The following IQCJ variants were observed in gnomAD, a reference collection of about 807,000 sequenced individuals.
The protein encoded by IQCJ is IQ motif containing J.
Under a neutral mutation model 11.0 loss-of-function variants are expected in IQCJ, and 9 were observed. The ratio of observed to expected loss-of-function variants is 0.82; its 90% CI spans 0.49 to 1.43. The LOEUF is 1.43. IQCJ is among the 40% of genes most tolerant of loss of function. The probability of loss-of-function intolerance (pLI) is 0.00; values close to 1 mark genes in which losing one functional copy is unlikely to be tolerated. For missense variants in IQCJ, 146 were observed against 133.2 expected (o/e 1.10, Z -0.47); for synonymous variants, 55 against 51.3 (o/e 1.07, Z -0.31).
chr3:159,243,328 T>C (rs1036036996), intron 1 of IQCJ, among the ~76,000 whole-genome samples: 2 of 152,200 alleles, frequency 1.3e-5, no homozygotes, highest in African/African-American at 4.8e-5. Context: ...GCAATGATCA[T>C]AGCAGCTTTA....
At chr3:159,087,179 G>T (rs566309486) in intron 1 of IQCJ, among the ~76,000 whole-genome samples, 1 of 152,122 alleles carries the variant, frequency 6.6e-6, no homozygotes, top group Non-Finnish European at 1.5e-5. Flanking sequence ...AGATAATCGT[G>T]TGGTTTTTGT....
In IQCJ at chr3:159,244,138, G is replaced by A. The variant is rs867964421; in HGVS notation, c.10-1705G>A. On this transcript the variant is annotated intron_variant, in intron 1 of 3. Transcript: ENST00000397832. ...TGAGCTTGACATGCTTGTCAGACATGTACATGGAACTGTCGAGTAGGCAGG... is the reference window on the plus strand; with the variant it reads ...TGAGCTTGACATGCTTGTCAGACATATACATGGAACTGTCGAGTAGGCAGG... Among the ~76,000 whole-genome samples the A allele has an allele frequency of 1.1e-4, 17 of 152,288 alleles. No individual in the cohort carries two copies. The Middle Eastern group carries it at 0.01, about 91-fold the overall frequency.
At chr3:159,183,807 A>G (rs1293601027) in intron 1 of IQCJ, among the ~76,000 whole-genome samples, 4 of 152,094 alleles carry the variant, frequency 2.6e-5, no homozygotes, top group Non-Finnish European at 4.4e-5. Flanking sequence ...GTCTCACAGT[A>G]ATCTTCGATT....
At chr3:159,213,742 G>C (rs1044068670) in intron 1 of IQCJ, among the ~76,000 whole-genome samples, 4 of 152,126 alleles carry the variant, frequency 2.6e-5, no homozygotes, top group Admixed American at 1.3e-4. Context: ...TAACTTAAAA[G>C]TCTCCAAAAT....
intron 1 of IQCJ, among the ~76,000 whole-genome samples, chr3:159,164,999 T>C (rs1256320642): frequency 2.0e-5 from 3 of 152,218 alleles, no homozygotes; most frequent in Non-Finnish European, 4.4e-5. Flanking sequence ...CTTTGTGCTA[T>C]ACAGTACTTG....
chr3:159,082,711 A>C (rs561695925), intron 1 of IQCJ, among the ~76,000 whole-genome samples: 2 of 152,222 alleles, frequency 1.3e-5, no homozygotes, highest in East Asian at 3.9e-4. Flanking sequence ...GAGGTCTGTC[A>C]TCATGAGTCA....
chr3:159,106,548 G>T (rs1262545382), intron 1 of IQCJ, among the ~76,000 whole-genome samples: 4 of 151,928 alleles, frequency 2.6e-5, no homozygotes, highest in African/African-American at 7.3e-5. Context: ...GAGAGAGAGA[G>T]ATATTTACTA....
At chr3:159,094,791 A>G (rs1255061971) in intron 1 of IQCJ, among the ~76,000 whole-genome samples, 1 of 151,960 alleles carries the variant, frequency 6.6e-6, no homozygotes, top group Non-Finnish European at 1.5e-5. Flanking sequence ...GATGGGTCAA[A>G]TAATGAATGG....
chr3:159,123,002 C>T (rs188327560), intron 1 of IQCJ, among the ~76,000 whole-genome samples: 4 of 152,160 alleles, frequency 2.6e-5, no homozygotes, highest in Admixed American at 1.3e-4. Context: ...GCATTTATCT[C>T]GGTCAGTCTT....
intron 3 of IQCJ, among the ~76,000 whole-genome samples, chr3:159,255,867 A>G (rs1458921829): frequency 6.6e-6 from 1 of 152,232 alleles, no homozygotes; most frequent in Non-Finnish European, 1.5e-5. Flanking sequence ...TTGTGAAAGT[A>G]AAAGTAATAG....
At chr3:159,235,929 A>G (rs1050902344) in intron 1 of IQCJ, among the ~76,000 whole-genome samples, 3 of 152,188 alleles carry the variant, frequency 2.0e-5, no homozygotes, top group African/African-American at 7.2e-5. Flanking sequence ...TAATAAGTCC[A>G]CTGTCGACAA....
At chr3:159,224,124 A>T (rs1474158155) in intron 1 of IQCJ, among the ~76,000 whole-genome samples, 1 of 151,910 alleles carries the variant, frequency 6.6e-6, no homozygotes, top group Non-Finnish European at 1.5e-5. Context: ...TGTGACACGA[A>T]GTATATAAGC....
intron 1 of IQCJ, among the ~76,000 whole-genome samples, chr3:159,080,260 A>G (rs1020458433): frequency 9.2e-5 from 14 of 152,102 alleles, no homozygotes; most frequent in African/African-American, 3.4e-4. Flanking sequence ...TTGGAGGAAA[A>G]GTTACTATGA....
chr3:159,206,983 T>G (rs189311330), intron 1 of IQCJ, among the ~76,000 whole-genome samples: 2 of 152,364 alleles, frequency 1.3e-5, no homozygotes, highest in Non-Finnish European at 2.9e-5. Flanking sequence ...TCTTGAGATA[T>G]TTGTATTTGC....
chr3:159,126,093 A>G (rs954634714), intron 1 of IQCJ, among the ~76,000 whole-genome samples: 1 of 152,198 alleles, frequency 6.6e-6, no homozygotes, highest in African/African-American at 2.4e-5. Context: ...ATAAGCTCCA[A>G]TATCCGTATC....
At chr3:159,120,103 C>A (rs1168269960) in intron 1 of IQCJ, among the ~76,000 whole-genome samples, 2 of 152,114 alleles carry the variant, frequency 1.3e-5, no homozygotes, top group African/African-American at 4.8e-5. Flanking sequence ...TTAAATCAGT[C>A]AAAAATGCAG....
At chr3:159,136,274 A>C (rs1011603314) in intron 1 of IQCJ, among the ~76,000 whole-genome samples, 12 of 152,236 alleles carry the variant, frequency 7.9e-5, no homozygotes, top group African/African-American at 2.9e-4. Flanking sequence ...TACAGTTCAC[A>C]GAAGTTAATG....
chr3:159,238,489 T>G, intron 1 of IQCJ, among the ~76,000 whole-genome samples: 1 of 152,310 alleles, frequency 6.6e-6, no homozygotes, highest in Non-Finnish European at 1.5e-5. Context: ...ACACATTTAC[T>G]TATTCAACAG....
At chr3:159,187,207 A>T (rs1328081939) in intron 1 of IQCJ, among the ~76,000 whole-genome samples, 1 of 152,246 alleles carries the variant, frequency 6.6e-6, no homozygotes, top group East Asian at 1.9e-4. Flanking sequence ...GAATGAATAT[A>T]GGGTGAACAG....
Sources: gnomAD v4.1 joint callset for allele counts (sites outside exome capture counted in the v4.1 genomes callset) on GRCh38, gnomAD v4.1.1 for gene constraint, MANE v1.5 for transcripts, NCBI Gene and HGNC (gene_info 2026-07-23, HGNC 2026-07-21) for gene names.